EPB41L4A: variants seen among roughly 807,000 people sequenced by gnomAD.
EPB41L4A encodes the protein erythrocyte membrane protein band 4.1 like 4A, also known as band 4.1-like protein 4A.
In EPB41L4A, 100 loss-of-function variants were observed where a neutral mutation model predicts 108.6. That is an observed-to-expected ratio of 0.92 (90% CI 0.78 to 1.09). The LOEUF is 1.09. Ranked by LOEUF, EPB41L4A falls within the 50% of genes least tolerant of loss-of-function variation. The pLI is 0.00. For synonymous variants in EPB41L4A, 319 were observed against 289.0 expected, an observed-to-expected ratio of 1.10 and a Z score of -1.05; for missense variants, 1,030 against 842.7, an observed-to-expected ratio of 1.22 and a Z score of -2.75.
At chr5:112,309,801 T>C (rs562899757) in intron 1 of EPB41L4A, among the ~76,000 whole-genome samples, 82 of 152,226 alleles carry the variant, frequency 5.4e-4, no homozygotes, top group African/African-American at 1.9e-3. Context: ...GTCAACTATA[T>C]TCAAACCATG....
chr5:112,326,508 T>A (rs951374779), intron 1 of EPB41L4A, among the ~76,000 whole-genome samples: 5 of 152,170 alleles, frequency 3.3e-5, no homozygotes, highest in Admixed American at 2.6e-4. Flanking sequence ...CTATAAAATA[T>A]AAAAAGGAAA....
rs1157347372 is a variant in EPB41L4A at position 112,240,720 on chromosome 5, TA to T, written c.885del (p.Phe295LeufsTer35). 5 of 1,525,576 alleles carry T rather than the reference TA, an allele frequency of 3.3e-6. No individual in the cohort carries two copies. Among genetic ancestry groups the T allele is most frequent in the South Asian group, 2.6e-5 (2 of 77,392 alleles). 94.5% of individuals were successfully genotyped at this position (1,525,576 alleles called of 1,614,324 possible). On this transcript the variant is annotated frameshift_variant and splice_region_variant, in exon 10 of 23. Transcript: ENST00000261486. LOFTEE classifies it high-confidence loss of function. ...AACAAAATTTTTACATCAATTTACC[TA>T]AAAAATGTATGATGTTCCACACTGC... ...WKCSVEHHTFFRMPENESNSL... is the reference protein window; with the variant it reads ...WKCSVEHHTFXRMPENESNSL...
chr5:112,351,482 T>C (rs1428215648), intron 1 of EPB41L4A, among the ~76,000 whole-genome samples: 1 of 152,022 alleles, frequency 6.6e-6, no homozygotes. Flanking sequence ...TAAAAAATCT[T>C]CCAACAAAGA....
At chr5:112,202,569 G>T (rs1273898520) in intron 15 of EPB41L4A, among the ~76,000 whole-genome samples, 1 of 152,090 alleles carries the variant, frequency 6.6e-6, no homozygotes, top group South Asian at 2.1e-4. Context: ...TTGGAATATG[G>T]CAATACCAAA....
intron 12 of EPB41L4A, 121 bp from the exon 13 acceptor site, chr5:112,210,103 A>G (rs1381577205): frequency 3.4e-6 from 2 of 585,822 alleles, no homozygotes. Context: ...TTATTGATAA[A>G]TTATAACCCC....
chr5:112,209,867 C>T (rs768549681), intron 13 of EPB41L4A, 25 bp downstream of exon 13: 13 of 1,419,172 alleles, frequency 9.2e-6, no homozygotes, highest in South Asian at 5.9e-5. Flanking sequence ...TATAATTGTA[C>T]GTTTCTTCAG....
chr5:112,407,685 C>T (rs1339034630), intron 1 of EPB41L4A, among the ~76,000 whole-genome samples: 1 of 152,156 alleles, frequency 6.6e-6, no homozygotes, highest in Non-Finnish European at 1.5e-5. Context: ...ACAGAAAAAT[C>T]CTACAAGAAC....
At chr5:112,232,758 TG>T (rs1284374842) in intron 12 of EPB41L4A, among the ~76,000 whole-genome samples, 1 of 152,220 alleles carries the variant, frequency 6.6e-6, no homozygotes, top group Non-Finnish European at 1.5e-5. Flanking sequence ...CCAGGAGACC[TG>T]GGCTCCTGTC....
rs866368324 is a variant in EPB41L4A, at chr5:112,361,389, G to A, written c.100-53899C>T. 2.0e-5 allele frequency among the ~76,000 whole-genome samples: 3 copies of A among 152,126 alleles called. No homozygotes were observed. In the South Asian group the frequency reaches 6.2e-4, roughly 32 times the overall value. ...CAGGGACACAAACACTGCAGAAGGC[G>A]GCAGGGCCCTCTGCCTAGGAAAACC... is the stretch of plus-strand genomic sequence containing the variant. On this transcript the variant is annotated intron_variant, in intron 1 of 22. Coordinates refer to ENST00000261486, the MANE Select transcript of EPB41L4A (RefSeq NM_022140.5).
chr5:112,203,605 A>G (rs1762321195), intron 15 of EPB41L4A, among the ~76,000 whole-genome samples: 2 of 152,128 alleles, frequency 1.3e-5, no homozygotes, highest in African/African-American at 4.8e-5. Flanking sequence ...TTATCCCTTC[A>G]AACACTCTAC....
At chr5:112,208,826 C>T (rs950090689) in intron 13 of EPB41L4A, among the ~76,000 whole-genome samples, 2 of 152,196 alleles carry the variant, frequency 1.3e-5, no homozygotes, top group African/African-American at 2.4e-5. Flanking sequence ...TGTTCTTATG[C>T]TGAACATACC....
intron 1 of EPB41L4A, among the ~76,000 whole-genome samples, chr5:112,391,914 C>A (rs543750901): frequency 6.6e-6 from 1 of 152,238 alleles, no homozygotes; most frequent in Admixed American, 6.5e-5. Context: ...GAGTGGGGGC[C>A]AGTATTCAAC....
chr5:112,388,943 T>A (rs1438828802), intron 1 of EPB41L4A, among the ~76,000 whole-genome samples: 3 of 152,124 alleles, frequency 2.0e-5, no homozygotes, highest in African/African-American at 7.2e-5. Context: ...CAGAGGTAAA[T>A]ACACACTTAA....
chr5:112,388,178 A>C (rs1554108639), intron 1 of EPB41L4A, among the ~76,000 whole-genome samples: 1 of 152,172 alleles, frequency 6.6e-6, no homozygotes, highest in Non-Finnish European at 1.5e-5. Context: ...ACAGCCAGCA[A>C]TTTTTCACAA....
At chr5:112,275,231 C>T in intron 4 of EPB41L4A, 95 bp downstream of exon 4, 2 of 1,404,522 alleles carry the variant, frequency 1.4e-6, no homozygotes, top group Non-Finnish European at 1.9e-6. Context: ...GGTAGACACA[C>T]ATCCAAACGT....
intron 1 of EPB41L4A, among the ~76,000 whole-genome samples, chr5:112,365,569 C>G (rs1380212235): frequency 6.6e-6 from 1 of 152,160 alleles, no homozygotes. Context: ...GGCACCCAGC[C>G]TCCTCTATTA....
intron 6 of EPB41L4A, 184 bp downstream of exon 6, chr5:112,264,712 T>C: frequency 9.4e-6 from 5 of 532,108 alleles, no homozygotes; most frequent in South Asian, 4.1e-5. Context: ...TCCTTTACAC[T>C]TTTTAAATTA....
At chr5:112,267,835 G>T (rs1486298582) in intron 4 of EPB41L4A, among the ~76,000 whole-genome samples, 1 of 151,882 alleles carries the variant, frequency 6.6e-6, no homozygotes, top group African/African-American at 2.4e-5. Flanking sequence ...TTAGGATAAA[G>T]TTCAAGCTCC....
chr5:112,195,045 G>A (rs1761893222), intron 16 of EPB41L4A, among the ~76,000 whole-genome samples: 1 of 152,082 alleles, frequency 6.6e-6, no homozygotes, highest in African/African-American at 2.4e-5. Flanking sequence ...CCTATCCTCT[G>A]AATTTACACT....
Sources: allele counts gnomAD v4.1 joint callset (sites outside exome capture counted in the v4.1 genomes callset), GRCh38; gene constraint gnomAD v4.1.1; transcripts MANE v1.5; gene names NCBI Gene and HGNC (gene_info 2026-07-23, HGNC 2026-07-21).